The following NXPH1 variants were observed in gnomAD, a reference collection of about 807,000 sequenced individuals.
NXPH1 encodes the protein neurexophilin-1.
Under a neutral mutation model 23.7 loss-of-function variants are expected in NXPH1, and 5 were observed. The observed-to-expected ratio is 0.21, with a 90% confidence interval of 0.11 to 0.44. The LOEUF is 0.44. Ranked by LOEUF, NXPH1 falls within the 20% of genes least tolerant of loss-of-function variation. The probability of loss-of-function intolerance (pLI) is 0.99; values close to 1 mark genes in which losing one functional copy is unlikely to be tolerated. For synonymous variants in NXPH1, 144 were observed against 122.2 expected, an observed-to-expected ratio of 1.18 and a Z score of -1.18; for missense variants, 324 against 321.6, an observed-to-expected ratio of 1.01 and a Z score of -0.06.
intron 2 of NXPH1, among the ~76,000 whole-genome samples, chr7:8,569,452 A>G (rs973333097): frequency 2.0e-5 from 3 of 151,924 alleles, no homozygotes; most frequent in African/African-American, 7.2e-5. Context: ...TGATAATCTT[A>G]TAACTATTTT....
chr7:8,650,187 T>C (rs1820469088), intron 2 of NXPH1, among the ~76,000 whole-genome samples: 2 of 152,234 alleles, frequency 1.3e-5, no homozygotes. Flanking sequence ...TCTTAAGGTT[T>C]TATCAGCATG....
At chr7:8,469,380 C>T (rs961597209) in intron 2 of NXPH1, among the ~76,000 whole-genome samples, 1 of 151,970 alleles carries the variant, frequency 6.6e-6, no homozygotes, top group Non-Finnish European at 1.5e-5. Context: ...TGAGTATTTA[C>T]CGCCAAACAC....
intron 2 of NXPH1, among the ~76,000 whole-genome samples, chr7:8,525,098 G>A (rs1019424869): frequency 2.0e-5 from 3 of 152,176 alleles, no homozygotes; most frequent in Admixed American, 2.0e-4. Context: ...GAATGGCTTT[G>A]CCCAAAATTC....
chr7:8,495,633 A>G (rs1817321507), intron 2 of NXPH1, among the ~76,000 whole-genome samples: 1 of 152,080 alleles, frequency 6.6e-6, no homozygotes, highest in Non-Finnish European at 1.5e-5. Context: ...GAGGAGATGT[A>G]ACTGAAGAGA....
chr7:8,566,957 G>GA (rs1818558994), intron 2 of NXPH1, among the ~76,000 whole-genome samples: 2 of 151,524 alleles, frequency 1.3e-5, no homozygotes. Flanking sequence ...AGAACAAGAA[G>GA]AAAAAAAGAA....
At chr7:8,701,295 G>A (rs749697404) in intron 2 of NXPH1, among the ~76,000 whole-genome samples, 10 of 151,986 alleles carry the variant, frequency 6.6e-5, no homozygotes, top group Non-Finnish European at 1.3e-4. Flanking sequence ...TGTTAAAGAT[G>A]TCATTGGGAT....
At chr7:8,562,737 A>G (rs1818468993) in intron 2 of NXPH1, among the ~76,000 whole-genome samples, 1 of 151,672 alleles carries the variant, frequency 6.6e-6, no homozygotes, top group African/African-American at 2.4e-5. Flanking sequence ...TATAAATGGG[A>G]ATGCTCATGG....
At chr7:8,677,525 C>T (rs1313093831) in intron 2 of NXPH1, among the ~76,000 whole-genome samples, 1 of 152,050 alleles carries the variant, frequency 6.6e-6, no homozygotes, top group Middle Eastern at 3.4e-3. Context: ...CATGAGTTTC[C>T]CCAGAGAGGA....
chr7:8,565,980 A>T (rs967433693), intron 2 of NXPH1, among the ~76,000 whole-genome samples: 3 of 151,836 alleles, frequency 2.0e-5, no homozygotes, highest in African/African-American at 7.2e-5. Context: ...AAGTGCTGAC[A>T]GTTTCCCTTG....
chr7:8,641,528 A>G (rs1820312001), intron 2 of NXPH1, among the ~76,000 whole-genome samples: 1 of 151,740 alleles, frequency 6.6e-6, no homozygotes. Context: ...TCCAATTCCC[A>G]CCCCCAGAGA....
chr7:8,558,410 G>A (rs969698520), intron 2 of NXPH1, among the ~76,000 whole-genome samples: 9 of 151,728 alleles, frequency 5.9e-5, no homozygotes, highest in Middle Eastern at 3.4e-3. Flanking sequence ...TGGAGCTTGG[G>A]AGAGAATATT....
chr7:8,579,125 A>C (rs1162475203), intron 2 of NXPH1, among the ~76,000 whole-genome samples: 2 of 152,160 alleles, frequency 1.3e-5, no homozygotes, highest in Admixed American at 6.5e-5. Flanking sequence ...CGTGTGGCTG[A>C]TCTAGAACTT....
intron 2 of NXPH1, among the ~76,000 whole-genome samples, chr7:8,456,434 G>A (rs538611138): frequency 1.3e-5 from 2 of 152,292 alleles, no homozygotes; most frequent in South Asian, 2.1e-4. Flanking sequence ...AATTCACAGA[G>A]GTTGTGGGAC....
At chr7:8,620,572 G>A (rs1010627990) in intron 2 of NXPH1, among the ~76,000 whole-genome samples, 1 of 152,174 alleles carries the variant, frequency 6.6e-6, no homozygotes, top group African/African-American at 2.4e-5. Flanking sequence ...GCTGCCACCA[G>A]CCTGACTCCT....
At chr7:8,698,453 T>C (rs541138523) in intron 2 of NXPH1, among the ~76,000 whole-genome samples, 1 of 152,310 alleles carries the variant, frequency 6.6e-6, no homozygotes, top group Non-Finnish European at 1.5e-5. Context: ...TAAATTGGTG[T>C]GGCCAATATC....
At chr7:8,561,334 A>C (rs981826509) in intron 2 of NXPH1, among the ~76,000 whole-genome samples, 11 of 125,138 alleles carry the variant, frequency 8.8e-5, no homozygotes, top group Admixed American at 2.5e-4. Context: ...AGTTTTGGAG[A>C]TGAGGGAAGC....
intron 2 of NXPH1, among the ~76,000 whole-genome samples, chr7:8,475,394 A>C (rs1456586193): frequency 6.6e-6 from 1 of 152,132 alleles, no homozygotes; most frequent in Non-Finnish European, 1.5e-5. Context: ...TCAATGGATA[A>C]TTTGGGAAAA....
At chr7:8,498,427 C>T (rs1334353281) in intron 2 of NXPH1, among the ~76,000 whole-genome samples, 1 of 152,044 alleles carries the variant, frequency 6.6e-6, no homozygotes, top group East Asian at 1.9e-4. Flanking sequence ...ACTGGTTTAT[C>T]AGTCCCTCTA....
intron 2 of NXPH1, among the ~76,000 whole-genome samples, chr7:8,573,194 C>A (rs556788711): frequency 6.6e-6 from 1 of 151,978 alleles, no homozygotes; most frequent in Admixed American, 6.5e-5. Flanking sequence ...ATTAAAAACT[C>A]TCTGTTCACA....
Sources: allele counts gnomAD v4.1 joint callset (sites outside exome capture counted in the v4.1 genomes callset), GRCh38; gene constraint gnomAD v4.1.1; transcripts MANE v1.5; gene names NCBI Gene and HGNC (gene_info 2026-07-23, HGNC 2026-07-21).